RIMS4: variants seen among roughly 807,000 people sequenced by gnomAD.
RIMS4 encodes the protein regulating synaptic membrane exocytosis 4.
Under a neutral mutation model 29.0 loss-of-function variants are expected in RIMS4, and 9 were observed. That is an observed-to-expected ratio of 0.31 (90% CI 0.19 to 0.54). The LOEUF (loss-of-function observed/expected upper bound fraction) is 0.54. Among genes scored for constraint, RIMS4 ranks in the 20% least tolerant of loss-of-function variants. RIMS4 has a pLI of 0.94. For synonymous variants in RIMS4, 130 were observed against 152.9 expected (o/e 0.85, Z 1.10); for missense variants, 193 against 365.7 (o/e 0.53, Z 3.85).
intron 1 of RIMS4, among the ~76,000 whole-genome samples, chr20:44,789,008 C>A (rs1260079810): frequency 6.6e-6 from 1 of 151,850 alleles, no homozygotes; most frequent in Non-Finnish European, 1.5e-5. Context: ...GGCTGCACTG[C>A]ACCCAACCAC....
intron 1 of RIMS4, among the ~76,000 whole-genome samples, chr20:44,774,820 TC>T (rs948370110): frequency 6.6e-6 from 1 of 151,884 alleles, no homozygotes; most frequent in African/African-American, 2.4e-5. Context: ...CATGACCTCC[TC>T]CCCCATTTGT....
intron 1 of RIMS4, among the ~76,000 whole-genome samples, chr20:44,785,462 T>C (rs1402705597): frequency 6.6e-6 from 1 of 152,328 alleles, no homozygotes; most frequent in East Asian, 1.9e-4. Flanking sequence ...CCTCCTGCCT[T>C]GGCCTTCCAA....
intron 1 of RIMS4, among the ~76,000 whole-genome samples, chr20:44,771,646 T>TC (rs1301184786): frequency 6.6e-6 from 1 of 152,184 alleles, no homozygotes; most frequent in Non-Finnish European, 1.5e-5. Flanking sequence ...GTGCTTTTTC[T>TC]CCCCCTTGAA....
chr20:44,757,846 C>T (rs2066067400), intron 3 of RIMS4, 75 bp from the exon 4 acceptor site: 22 of 1,349,390 alleles, frequency 1.6e-5, no homozygotes, highest in Non-Finnish European at 2.2e-5. Flanking sequence ...TTCTCCTTTA[C>T]TTAGGGCTGA....
At chr20:44,786,141 C>T (rs1242005256) in intron 1 of RIMS4, among the ~76,000 whole-genome samples, 2 of 152,180 alleles carry the variant, frequency 1.3e-5, no homozygotes, top group African/African-American at 4.8e-5. Context: ...TAGCAGAATC[C>T]CTGCTCAGTG....
At chr20:44,784,064 C>T (rs2066197089) in intron 1 of RIMS4, among the ~76,000 whole-genome samples, 1 of 152,166 alleles carries the variant, frequency 6.6e-6, no homozygotes, top group African/African-American at 2.4e-5. Flanking sequence ...CTACACTGAC[C>T]CCAAGAGGGT....
chr20:44,800,008 G>A (rs2066270965), intron 1 of RIMS4, among the ~76,000 whole-genome samples: 1 of 152,192 alleles, frequency 6.6e-6, no homozygotes, highest in Non-Finnish European at 1.5e-5. Context: ...GTTTTGCGAT[G>A]AGGAAACAGG....
chr20:44,794,309 C>T (rs748221321), intron 1 of RIMS4, among the ~76,000 whole-genome samples: 2 of 152,102 alleles, frequency 1.3e-5, no homozygotes, highest in Non-Finnish European at 2.9e-5. Context: ...ATTGAGGAGT[C>T]GCATCTGTAG....
chr20:44,779,218 G>A (rs1375672270), intron 1 of RIMS4, among the ~76,000 whole-genome samples: 1 of 152,170 alleles, frequency 6.6e-6, no homozygotes, highest in African/African-American at 2.4e-5. Context: ...ATCTTCTGGA[G>A]AAAGGTGCTT....
intron 2 of RIMS4, among the ~76,000 whole-genome samples, chr20:44,765,168 G>A (rs2066108387): frequency 6.6e-6 from 1 of 152,158 alleles, no homozygotes; most frequent in African/African-American, 2.4e-5. Context: ...GCAGACCTAG[G>A]ACTTGAACCT....
At chr20:44,780,088 C>T (rs6130690) in intron 1 of RIMS4, among the ~76,000 whole-genome samples, 10,169 of 152,196 alleles carry the variant, frequency 0.067, 422 homozygotes, top group Middle Eastern at 0.16. Context: ...TAAATACTGG[C>T]TATTACTATT....
chr20:44,778,356 G>C (rs1364471791), intron 1 of RIMS4, among the ~76,000 whole-genome samples: 1 of 152,232 alleles, frequency 6.6e-6, no homozygotes, highest in African/African-American at 2.4e-5. Context: ...AGCCCAAAGA[G>C]GGGCAGGAGT....
intron 2 of RIMS4, among the ~76,000 whole-genome samples, chr20:44,762,206 C>G (rs1253720391): frequency 1.3e-5 from 2 of 152,244 alleles, no homozygotes; most frequent in African/African-American, 4.8e-5. Context: ...AGGCAGAGCT[C>G]AGGCGGTAAC....
intron 1 of RIMS4, among the ~76,000 whole-genome samples, chr20:44,802,198 T>C (rs1415313604): frequency 1.3e-5 from 2 of 152,160 alleles, no homozygotes; most frequent in Admixed American, 6.5e-5. Flanking sequence ...ACCTACTATG[T>C]GCCGAGGGTT....
rs6031795 is a variant in RIMS4 at position 44,792,231 on chromosome 20, C to T, written c.97+17944G>A. Among the ~76,000 whole-genome samples, 624 of 152,118 alleles carry T rather than the reference C, an allele frequency of 4.1e-3. 2 individuals carry two copies. Among genetic ancestry groups the T allele is most frequent in the African/African-American group, 0.014 (592 of 41,492 alleles). ...TGTAAAATATGATCCAGGGCAGTGCCGAGCAGTGGGTGGGCTCACAGACTC... is the reference window on the plus strand; with the variant it reads ...TGTAAAATATGATCCAGGGCAGTGCTGAGCAGTGGGTGGGCTCACAGACTC... On this transcript the variant is annotated intron_variant, in intron 1 of 5. Transcript: ENST00000372851.
At chr20:44,804,992 T>A (rs1164988233) in intron 1 of RIMS4, among the ~76,000 whole-genome samples, 2 of 152,150 alleles carry the variant, frequency 1.3e-5, no homozygotes, top group East Asian at 3.8e-4. Context: ...TCTTTCAGGA[T>A]AATTTGATTA....
intron 2 of RIMS4, among the ~76,000 whole-genome samples, chr20:44,764,190 TTATCCATCCATCC>T (rs1568895704): frequency 8.9e-4 from 9 of 10,134 alleles, no homozygotes; most frequent in South Asian, 4.1e-3. Context: ...ATCCATCCAT[TTATCCATCCATCC>T]ATCCATCCAC....
At position 44,756,041 on chromosome 20, in the gene RIMS4, GTCC is replaced by G. The variant is rs999561119; in HGVS notation, c.*90_*92del. 49 of 1,004,738 alleles carry G rather than the reference GTCC, an allele frequency of 4.9e-5. No individual in the cohort carries two copies. Among genetic ancestry groups the G allele is most frequent in the Non-Finnish European group, 6.8e-5 (45 of 666,088 alleles). The allele number at this position is 1,004,738 out of a possible 1,614,324, so 62.2% of individuals were successfully genotyped here. A position where few individuals can be genotyped will look rare whatever the true frequency, so the allele number is the denominator to read the frequency against. ...CTTCCCCACTGTGGGGGAGAGCCCC[GTCC>G]TCCTGTTCAATGTGCCCCTGGGCCT... On this transcript the variant is annotated 3_prime_UTR_variant, in exon 6 of 6. Coordinates refer to ENST00000372851, the MANE Select transcript of RIMS4 (RefSeq NM_182970.4). This position sits in a 1 kb window ranked among gnomAD's most constrained non-coding sequence, Gnocchi z 5.9.
chr20:44,756,123 C>T lies in RIMS4; in HGVS notation c.*11G>A. On this transcript the variant is annotated 3_prime_UTR_variant, in exon 6 of 6. Transcript: ENST00000372851. This position sits in a 1 kb window ranked among gnomAD's most constrained non-coding sequence, Gnocchi z 5.9. ...CCAGGCCATCTTGGGGAGCCCCTCC[C>T]CATTCCAGCACTAAGATCGTTCTCC... 2 of 1,580,862 alleles carry T rather than the reference C, an allele frequency of 1.3e-6. No homozygotes were observed. Among genetic ancestry groups the T allele is most frequent in the Non-Finnish European group, 1.7e-6 (2 of 1,159,476 alleles).
Sources: allele counts gnomAD v4.1 joint callset (sites outside exome capture counted in the v4.1 genomes callset), GRCh38; gene constraint gnomAD v4.1.1; non-coding constraint Gnocchi (gnomAD v3.1); transcripts MANE v1.5; gene names NCBI Gene and HGNC (gene_info 2026-07-23, HGNC 2026-07-21).